FANCI: variants seen among roughly 807,000 people sequenced by gnomAD.
FANCI encodes FA complementation group I, also known as Fanconi anemia group I protein.
A neutral mutation model predicts 176.1 loss-of-function variants in FANCI; 156 were observed. The observed-to-expected ratio is 0.89, with a 90% CI of 0.78 to 1.01. The LOEUF (loss-of-function observed/expected upper bound fraction) is 1.01. Ranked by LOEUF, FANCI falls within the 50% of genes least tolerant of loss-of-function variation. The pLI, the probability that FANCI is intolerant of heterozygous loss-of-function variation, is 0.00. For missense variants in FANCI, 1,678 were observed against 1,534.1 expected (o/e 1.09, Z -1.57); for synonymous variants, 613 against 541.7 (o/e 1.13, Z -1.83).
chr15:89,276,592 A>G (rs1462709318), intron 12 of FANCI, 119 bp from the exon 13 acceptor site: 2 of 1,052,484 alleles, frequency 1.9e-6, no homozygotes, highest in Non-Finnish European at 2.9e-6. Flanking sequence ...AAAGGTTTAT[A>G]TGCAGAGTAC....
At chr15:89,253,910 AAAAAT>A (rs1295614693) in intron 2 of FANCI, among the ~76,000 whole-genome samples, 13 of 94,430 alleles carry the variant, frequency 1.4e-4, no homozygotes, top group Non-Finnish European at 1.2e-4. Flanking sequence ...ATAATAAGAG[AAAAAT>A]AAAATAAAAG....
At chr15:89,313,183 G>A (rs987074317) in intron 35 of FANCI, among the ~76,000 whole-genome samples, 8 of 151,748 alleles carry the variant, frequency 5.3e-5, no homozygotes, top group Non-Finnish European at 8.8e-5. Context: ...AGCTAAAAAC[G>A]GTATGGAATT....
chr15:89,297,951 A>G (rs1292757096), intron 24 of FANCI, among the ~76,000 whole-genome samples: 1 of 152,176 alleles, frequency 6.6e-6, no homozygotes, highest in Non-Finnish European at 1.5e-5. Flanking sequence ...TATTGGGGAA[A>G]AAAAGAGGGA....
At position 89,293,720 on chromosome 15, in the gene FANCI, T is replaced by A. The variant is rs1406518871; in HGVS notation, c.2292-113T>A. 4 of 1,042,056 alleles carry A rather than the reference T, an allele frequency of 3.8e-6. No individual in the cohort carries two copies. In the East Asian group the frequency reaches 9.5e-5, roughly 25 times the overall value. 64.6% of individuals were successfully genotyped at this position (1,042,056 alleles called of 1,614,324 possible). On this transcript the variant is annotated intron_variant, in intron 22 of 37. Coordinates refer to ENST00000310775, the MANE Select transcript of FANCI (RefSeq NM_001113378.2). Reference sequence around the variant, plus strand: ...TTAATGAAGTTCTATTCATTTATAATGTTACGTCTAAAATATGACATTTAA... The same window carrying A: ...TTAATGAAGTTCTATTCATTTATAAAGTTACGTCTAAAATATGACATTTAA...
At chr15:89,256,810 C>T (rs781693340) in intron 2 of FANCI, among the ~76,000 whole-genome samples, 2 of 152,292 alleles carry the variant, frequency 1.3e-5, no homozygotes, top group Non-Finnish European at 2.9e-5. Flanking sequence ...TAGATGCTTC[C>T]TTAATCCCAA....
rs1369733878 is a variant in FANCI, at chr15:89,307,549, C to G, written c.3591+20C>G. The G allele has an allele frequency of 6.2e-7, 1 of 1,614,100 alleles. No homozygotes were observed. Among genetic ancestry groups the G allele is most frequent in the Non-Finnish European group, 8.5e-7 (1 of 1,180,022 alleles). ...AAGCTGGTGAGTTGAGAATGCCTTT[C>G]CTAGGAATGGGGGAAGCACTTTTAC... On this transcript the variant is annotated intron_variant, in intron 33 of 37. Transcript: ENST00000310775.
chr15:89,274,804 C>T (rs986679277), intron 12 of FANCI, among the ~76,000 whole-genome samples: 2 of 151,812 alleles, frequency 1.3e-5, no homozygotes, highest in African/African-American at 4.8e-5. Context: ...AGAGTTTCGC[C>T]ATATTGCCCA....
chr15:89,313,013 GAA>G, intron 35 of FANCI, 41 bp downstream of exon 35: 3 of 1,583,130 alleles, frequency 1.9e-6, no homozygotes, highest in Non-Finnish European at 2.6e-6. Flanking sequence ...GCTTGTTGGT[GAA>G]CCCGAAAACA....
chr15:89,271,550 G>A (rs2053201500), intron 10 of FANCI, among the ~76,000 whole-genome samples: 1 of 152,184 alleles, frequency 6.6e-6, no homozygotes, highest in Non-Finnish European at 1.5e-5. Context: ...CTAGGGTGGA[G>A]TGCAATATCA....
At chr15:89,294,360 G>A (rs1489878750) in intron 23 of FANCI, among the ~76,000 whole-genome samples, 1 of 152,002 alleles carries the variant, frequency 6.6e-6, no homozygotes, top group Non-Finnish European at 1.5e-5. Context: ...TGAGGTGGGT[G>A]GATCACCTGA....
In FANCI at chr15:89,307,662, C is replaced by T. The variant is rs750427509; in HGVS notation, c.3641C>T (p.Ser1214Phe). The T allele has an allele frequency of 2.5e-6, 4 of 1,614,150 alleles. No homozygotes were observed. In the East Asian group the frequency reaches 6.7e-5, roughly 27 times the overall value. The change falls in exon 34 of 38, where the codon TCT (serine) becomes TTT (phenylalanine). Residue 1214 changes from serine (S) to phenylalanine (F), a missense_variant. This residue lies in a region of FANCI where 1,204 missense variants were observed against 1,077.4 expected (regional missense o/e 1.12). Transcript: ENST00000310775. ...HLTPLCYSFI[S>F]YVQNKSKSLN... Reference sequence around the variant, plus strand: ...ACCCCCCTGTGTTATTCTTTCATTTCTTACGTACAGGTAAGAGATTCAGAG... The same window carrying T: ...ACCCCCCTGTGTTATTCTTTCATTTTTTACGTACAGGTAAGAGATTCAGAG...
In FANCI at chr15:89,316,855, T is replaced by G; in HGVS notation, c.*396T>G. 1 of 1,535,044 alleles carries G rather than the reference T, an allele frequency of 6.5e-7. No individual in the cohort carries two copies. Among genetic ancestry groups the G allele is most frequent in the Non-Finnish European group, 9.0e-7 (1 of 1,107,906 alleles). ...GAAAGATAGTGCAAATTGGTTAGGA[T>G]GCCACCTCAAGAACTGTAACTGAGA... On this transcript the variant is annotated 3_prime_UTR_variant, in exon 38 of 38. Transcript: ENST00000310775.
chr15:89,293,178 C>G (rs750049040), intron 22 of FANCI, 115 bp downstream of exon 22: 55 of 1,102,204 alleles, frequency 5.0e-5, no homozygotes, highest in Non-Finnish European at 6.6e-5. Flanking sequence ...GACACTGTCT[C>G]TTAAATGAGC....
At position 89,299,805 on chromosome 15, in the gene FANCI, T is replaced by G; in HGVS notation, c.2642T>G (p.Leu881Trp). ...ACCACTTTCTCCTGCTTCAGAGTCT[T>G]GCTATGGAGATACACTTCAATTCCT... is the stretch of plus-strand genomic sequence containing the variant. The part of the protein sequence containing the change: ...FQNLCDITRV[L>W]LWRYTSIPTS... Residue 881 changes from leucine (L) to tryptophan (W), a missense_variant, in exon 25 of 38, where the codon TTG becomes TGG. Leu to Trp is a moderately conservative substitution (Grantham distance 61). Transcript: ENST00000310775. 1 of 1,613,566 alleles carries G rather than the reference T, an allele frequency of 6.2e-7. No homozygotes were observed. Among genetic ancestry groups the G allele is most frequent in the Non-Finnish European group, 8.5e-7 (1 of 1,179,792 alleles).
chr15:89,297,961 A>T (rs1325376295), intron 24 of FANCI, among the ~76,000 whole-genome samples: 22 of 152,148 alleles, frequency 1.4e-4, no homozygotes, highest in Admixed American at 1.4e-3. Flanking sequence ...AAAAAGAGGG[A>T]TATTACATAA....
chr15:89,250,765 A>G (rs1318112146), intron 2 of FANCI, among the ~76,000 whole-genome samples: 1 of 151,156 alleles, frequency 6.6e-6, no homozygotes, highest in African/African-American at 2.4e-5. Flanking sequence ...AGATACAAAC[A>G]AATTACAGGA....
intron 30 of FANCI, 58 bp from the exon 31 acceptor site, chr15:89,305,544 GTTA>G (rs2054685313): frequency 2.5e-6 from 4 of 1,605,074 alleles, no homozygotes; most frequent in Admixed American, 1.7e-5. Flanking sequence ...GGTGACCACA[GTTA>G]TTATATTACC....
chr15:89,247,678 G>C lies in FANCI; in HGVS notation c.31G>C (p.Glu11Gln). Residue 11 changes from glutamate to glutamine, a missense_variant, in exon 2 of 38, where the codon GAA (glutamate) becomes CAA (glutamine). Physicochemically the swap from Glu to Gln is conservative, Grantham distance 29 (BLOSUM62 2). Transcript: ENST00000310775. ...CCAGAAGATTTTATCTCTAGCAGCA[G>C]AAAAAACAGCAGACAAACTGCAAGA... MDQKILSLAAEKTADKLQEFL... is the reference protein window; with the variant it reads MDQKILSLAAQKTADKLQEFL... 1 of 1,613,978 alleles carries C rather than the reference G, an allele frequency of 6.2e-7. No homozygotes were observed. Among genetic ancestry groups the C allele is most frequent in the African/African-American group, 1.3e-5 (1 of 75,030 alleles).
Position 89,287,708 on chromosome 15 carries a change from T to C in FANCI, c.1821+2490T>C, listed in dbSNP as rs555152176. On this transcript the variant is annotated intron_variant, in intron 18 of 37. Coordinates refer to ENST00000310775, the MANE Select transcript of FANCI (RefSeq NM_001113378.2). Reference sequence around the variant, plus strand: ...ACTCTTCCTTTCACTTGAATACTTATAGGTCATTGTAGGGGTTATTAATTG... The same window carrying C: ...ACTCTTCCTTTCACTTGAATACTTACAGGTCATTGTAGGGGTTATTAATTG... Among the ~76,000 whole-genome samples the C allele has an allele frequency of 1.1e-3, 163 of 152,310 alleles. 1 individual carries two copies. Among genetic ancestry groups the C allele is most frequent in the African/African-American group, 3.8e-3 (158 of 41,566 alleles).
Sources: allele counts gnomAD v4.1 joint callset (sites outside exome capture counted in the v4.1 genomes callset), GRCh38; gene constraint gnomAD v4.1.1; regional missense constraint gnomAD v4.1.1; transcripts MANE v1.5; gene names NCBI Gene and HGNC (gene_info 2026-07-23, HGNC 2026-07-21).